GANAB: variants seen among roughly 807,000 people sequenced by gnomAD.
GANAB encodes the protein glucosidase II alpha subunit.
Under a neutral mutation model 129.9 loss-of-function variants are expected in GANAB, and 35 were observed. That is an observed-to-expected ratio of 0.27 (90% CI 0.21 to 0.36). GANAB has a LOEUF of 0.36. Ranked by LOEUF, GANAB falls within the 10% of genes least tolerant of loss-of-function variation. GANAB has a pLI of 1.00. For missense variants in GANAB, 939 were observed against 1,221.0 expected, an observed-to-expected ratio of 0.77 and a Z score of 3.44; for synonymous variants, 482 against 451.8, an observed-to-expected ratio of 1.07 and a Z score of -0.85.
chr11:62,628,715 C>T (rs1293462664), intron 17 of GANAB, 54 bp downstream of exon 17: 22 of 1,590,348 alleles, frequency 1.4e-5, no homozygotes, highest in Non-Finnish European at 1.7e-6. Flanking sequence ...AGCCCAGTCC[C>T]TAATACCCCC....
chr11:62,646,283 G>A (rs1023121025), intron 1 of GANAB, among the ~76,000 whole-genome samples: 11 of 152,226 alleles, frequency 7.2e-5, no homozygotes, highest in Non-Finnish European at 1.2e-4. Flanking sequence ...GCAGCCAAAG[G>A]AGGGCGGCGG....
At chr11:62,641,597 C>CTTTTT (rs10629749) in intron 1 of GANAB, among the ~76,000 whole-genome samples, 1 of 151,800 alleles carries the variant, frequency 6.6e-6, no homozygotes, top group African/African-American at 2.4e-5. Context: ...TTGTTTTTTG[C>CTTTTT]TTTGAGACAG....
At chr11:62,634,274 G>C (rs776434369) in intron 5 of GANAB, 1 of 1,398,272 alleles carries the variant, frequency 7.2e-7, no homozygotes, top group Admixed American at 1.7e-5. Context: ...GGTAAGGGCA[G>C]AGGAACAGAT....
At chr11:62,637,112 A>C (rs745665300) in intron 4 of GANAB, among the ~76,000 whole-genome samples, 1 of 152,184 alleles carries the variant, frequency 6.6e-6, no homozygotes, top group Non-Finnish European at 1.5e-5. Context: ...AAATTTTATC[A>C]GTCTAGAGGG....
chr11:62,628,528 A>G (rs1943510899), intron 17 of GANAB, among the ~76,000 whole-genome samples: 1 of 152,056 alleles, frequency 6.6e-6, no homozygotes, highest in African/African-American at 2.4e-5. Flanking sequence ...AAGGGATTTT[A>G]TGACCACCTA....
At chr11:62,634,365 T>C (rs373609491) in intron 5 of GANAB, 8 of 1,610,198 alleles carry the variant, frequency 5.0e-6, no homozygotes, top group Non-Finnish European at 6.8e-6. Context: ...AGATTAACCT[T>C]ATCCGAGAAA....
chr11:62,646,092 G>C (rs931147945), intron 1 of GANAB, among the ~76,000 whole-genome samples: 1 of 152,176 alleles, frequency 6.6e-6, no homozygotes, highest in African/African-American at 2.4e-5. Flanking sequence ...AGGAGGATTC[G>C]GAGCTCTACA....
chr11:62,633,008 G>A lies in GANAB; in HGVS notation c.812C>T (p.Thr271Ile). 1 of 1,576,760 alleles carries A rather than the reference G, an allele frequency of 6.3e-7. No individual in the cohort carries two copies. Among genetic ancestry groups the A allele is most frequent in the Non-Finnish European group, 8.7e-7 (1 of 1,146,034 alleles). ...EHADNLRLKV[T>I]EGGEPYRLYN... is the part of the protein sequence containing the mutation. Reference sequence around the variant, plus strand: ...CTGATGTCACCATAGGACTCACTCAGTGACCTTCAGCCTCAGGTTGTCTGC... The same window carrying A: ...CTGATGTCACCATAGGACTCACTCAATGACCTTCAGCCTCAGGTTGTCTGC... Residue 271 changes from threonine (T) to isoleucine (I), a missense_variant, in exon 8 of 24, where the codon ACT (threonine) becomes ATT (isoleucine). Thr to Ile is a moderately conservative substitution (Grantham distance 89, BLOSUM62 -1). Around this residue, in one of 5 missense-constraint regions of GANAB, gnomAD observed 21 missense variants for 53.7 expected, o/e 0.39. Transcript: ENST00000356638.
rs1422660220 is a variant in GANAB, at chr11:62,625,739, C to T, written c.*76G>A. The T allele has an allele frequency of 2.1e-6, 2 of 970,256 alleles. No homozygotes were observed. Among genetic ancestry groups the T allele is most frequent in the Non-Finnish European group, 3.3e-6 (2 of 605,502 alleles). 60.1% of individuals were successfully genotyped at this position (970,256 alleles called of 1,614,324 possible). A position where few individuals can be genotyped will look rare whatever the true frequency, so the allele number is the denominator to read the frequency against. On this transcript the variant is annotated 3_prime_UTR_variant, in exon 24 of 24. Coordinates refer to ENST00000356638, the MANE Select transcript of GANAB (RefSeq NM_198334.3). ...TAAGTGAAGTCTGGGGAGGGCCGAA[C>T]TCCAAGGCAGAAGAAAGAATATCTC...
intron 1 of GANAB, among the ~76,000 whole-genome samples, chr11:62,640,709 T>C (rs1368570797): frequency 1.3e-5 from 2 of 151,262 alleles, no homozygotes. Flanking sequence ...GGTGGGCAGC[T>C]GTAGTCCCAG....
At chr11:62,641,850 G>A (rs1199169984) in intron 1 of GANAB, among the ~76,000 whole-genome samples, 1 of 150,748 alleles carries the variant, frequency 6.6e-6, no homozygotes, top group African/African-American at 2.4e-5. Flanking sequence ...AAGTAGCTGG[G>A]ACTACAGTTG....
intron 1 of GANAB, among the ~76,000 whole-genome samples, chr11:62,645,652 T>G (rs192060077): frequency 6.6e-6 from 1 of 152,288 alleles, no homozygotes; most frequent in East Asian, 1.9e-4. Flanking sequence ...TAAAGCATCT[T>G]TCAGATATGA....
rs1188182048 is a variant in GANAB, at chr11:62,630,582, C to A, written c.1386+19G>T. ...TCAGCCCTACCCTGAGAAGACCAAG[C>A]GTGACTGCAACCCCTTACCTTCCGC... On this transcript the variant is annotated intron_variant, in intron 11 of 23. Transcript: ENST00000356638. The A allele has an allele frequency of 1.2e-6, 2 of 1,610,976 alleles. No individual in the cohort carries two copies. The highest frequency in any genetic ancestry group is 2.2e-5 in the South Asian group (2 of 90,978).
chr11:62,626,821 C>T (rs753947029), intron 20 of GANAB, 39 bp downstream of exon 20: 16 of 1,492,292 alleles, frequency 1.1e-5, no homozygotes, highest in Admixed American at 1.7e-5. Context: ...TGGAAATTTA[C>T]AGGGAGATGG....
chr11:62,642,047 AC>A (rs1189660670), intron 1 of GANAB, among the ~76,000 whole-genome samples: 1 of 151,760 alleles, frequency 6.6e-6, no homozygotes, highest in Non-Finnish European at 1.5e-5. Flanking sequence ...CCCCATCTCT[AC>A]TAAAAATACA....
rs769131588 is a variant in GANAB, at chr11:62,626,670, C to G, written c.2412G>C (p.Gln804His). The G allele has an allele frequency of 3.1e-6, 5 of 1,604,332 alleles. No homozygotes were observed. The Admixed American group carries it at 8.4e-5, about 27-fold the overall frequency. The change falls in exon 21 of 24, where the codon CAG becomes CAC. Residue 804 changes from glutamine (Q) to histidine (H), a missense_variant. Gln to His is a conservative substitution (Grantham distance 24, BLOSUM62 0). Transcript: ENST00000356638. ...PVTLSSIPVF[Q>H]RGGTIVPRWM... The stretch of plus-strand genomic sequence containing the variant: ...ATCGAGGCACGATTGTCCCTCCACG[C>G]TGGAACACAGGGATCTAGGGCAAGA...
chr11:62,635,108 G>A (rs1943885780), intron 4 of GANAB, 108 bp from the exon 5 acceptor site: 1 of 743,352 alleles, frequency 1.3e-6, no homozygotes, highest in South Asian at 1.8e-5. Flanking sequence ...TAGGCAGTGT[G>A]GTAACAGAGC....
chr11:62,642,740 G>GT (rs1944323795), intron 1 of GANAB, among the ~76,000 whole-genome samples: 2 of 151,992 alleles, frequency 1.3e-5, no homozygotes, highest in African/African-American at 4.8e-5. Context: ...ACTGGCTAAA[G>GT]TTTTTTTAAA....
chr11:62,626,346 G>A lies in GANAB; in HGVS notation c.2613C>T (p.Thr871=). ...LLRRFSFSGN[T]LVSSSADPEG... The stretch of plus-strand genomic sequence containing the variant: ...GGGTGACCCATTACCTGGAGACAAG[G>A]GTGTTGCCAGAGAATGAGAATCGAC... The change falls in exon 22 of 24, where the codon ACC becomes ACT. Residue 871 remains threonine (T), a synonymous_variant. Transcript: ENST00000356638. 1 of 1,605,740 alleles carries A rather than the reference G, an allele frequency of 6.2e-7. No homozygotes were observed. The highest frequency in any genetic ancestry group is 1.7e-4 in the Middle Eastern group (1 of 6,046).
Sources: gnomAD v4.1 joint callset for allele counts (sites outside exome capture counted in the v4.1 genomes callset) on GRCh38, gnomAD v4.1.1 for gene constraint, gnomAD v4.1.1 regional missense constraint, MANE v1.5 for transcripts, NCBI Gene and HGNC (gene_info 2026-07-23, HGNC 2026-07-21) for gene names.